SPAG16: variants seen among roughly 807,000 people sequenced by gnomAD.
The protein encoded by SPAG16 is sperm associated antigen 16, also known as sperm-associated antigen 16 protein.
Under a neutral mutation model 80.4 loss-of-function variants are expected in SPAG16, and 86 were observed. The ratio of observed to expected loss-of-function variants is 1.07; its 90% CI spans 0.90 to 1.28. The LOEUF (loss-of-function observed/expected upper bound fraction) is 1.28, where lower values mean the gene tolerates loss of function less well. SPAG16 is among the 50% of genes most tolerant of loss of function. The pLI is 0.00. For synonymous variants in SPAG16, 294 were observed against 265.9 expected (o/e 1.11, Z -1.03); for missense variants, 870 against 765.3 (o/e 1.14, Z -1.61).
chr2:213,992,006 C>T (rs1024079090), intron 12 of SPAG16, among the ~76,000 whole-genome samples: 2 of 151,978 alleles, frequency 1.3e-5, no homozygotes, highest in Non-Finnish European at 2.9e-5. Flanking sequence ...TTTTGTGTCA[C>T]ATCGGACTTC....
At chr2:213,746,289 A>G (rs2125471071) in intron 10 of SPAG16, among the ~76,000 whole-genome samples, 2 of 152,322 alleles carry the variant, frequency 1.3e-5, no homozygotes, top group South Asian at 4.1e-4. Context: ...ACTGACAGTA[A>G]TACTCTCTGA....
chr2:213,697,330 G>T (rs75363583), intron 10 of SPAG16, among the ~76,000 whole-genome samples: 5,441 of 152,210 alleles, frequency 0.036, 333 homozygotes, highest in African/African-American at 0.12. Context: ...GAGTATTAGA[G>T]AATGCCATTT....
chr2:214,400,916 A>T (rs1330309320), intron 15 of SPAG16, among the ~76,000 whole-genome samples: 1 of 152,044 alleles, frequency 6.6e-6, no homozygotes, highest in Non-Finnish European at 1.5e-5. Context: ...TATGTTTTAC[A>T]CTTTGACATC....
chr2:213,594,871 T>G (rs563561246), intron 10 of SPAG16, among the ~76,000 whole-genome samples: 1 of 152,312 alleles, frequency 6.6e-6, no homozygotes, highest in South Asian at 2.1e-4. Flanking sequence ...TACATTTTTT[T>G]GTGTGTCTGA....
intron 10 of SPAG16, among the ~76,000 whole-genome samples, chr2:213,643,601 C>A (rs920680333): frequency 1.3e-5 from 2 of 148,548 alleles, no homozygotes; most frequent in Non-Finnish European, 3.0e-5. Context: ...AACTTTCTAC[C>A]CCTATCTCTT....
At chr2:214,310,037 A>C (rs934027877) in intron 15 of SPAG16, among the ~76,000 whole-genome samples, 1 of 152,028 alleles carries the variant, frequency 6.6e-6, no homozygotes, top group Admixed American at 6.5e-5. Context: ...TCAAATTTTC[A>C]TTCTATTGAG....
At chr2:213,285,584 G>A (rs1468261264) in intron 1 of SPAG16, among the ~76,000 whole-genome samples, 1 of 152,194 alleles carries the variant, frequency 6.6e-6, no homozygotes, top group Non-Finnish European at 1.5e-5. Flanking sequence ...ATCCAGCAAT[G>A]ATTCATTTCG....
At chr2:213,565,026 T>C (rs966436573) in intron 10 of SPAG16, among the ~76,000 whole-genome samples, 1 of 152,216 alleles carries the variant, frequency 6.6e-6, no homozygotes, top group African/African-American at 2.4e-5. Context: ...TATTAAAATA[T>C]TTATTTTAAA....
intron 10 of SPAG16, among the ~76,000 whole-genome samples, chr2:213,813,482 C>T (rs2072308411): frequency 1.3e-5 from 2 of 152,246 alleles, no homozygotes; most frequent in African/African-American, 4.8e-5. Context: ...AGGCAAGATA[C>T]TCCACATGCT....
intron 10 of SPAG16, among the ~76,000 whole-genome samples, chr2:213,632,842 C>T (rs777647421): frequency 3.3e-4 from 51 of 152,242 alleles, no homozygotes; most frequent in Non-Finnish European, 7.2e-4. Flanking sequence ...GATGAATAAT[C>T]TTCTTAATGT....
intron 15 of SPAG16, among the ~76,000 whole-genome samples, chr2:214,250,376 A>G (rs1383406221): frequency 6.6e-6 from 1 of 151,692 alleles, no homozygotes; most frequent in Admixed American, 6.6e-5. Context: ...TTTTGGATAT[A>G]ATTTTATGTT....
intron 12 of SPAG16, among the ~76,000 whole-genome samples, chr2:213,988,050 C>A (rs191259736): frequency 2.6e-5 from 4 of 151,804 alleles, no homozygotes; most frequent in Admixed American, 1.3e-4. Flanking sequence ...GATTGAAAAT[C>A]TGGGGATCTG....
At chr2:213,481,108 C>T (rs1223690114) in intron 9 of SPAG16, among the ~76,000 whole-genome samples, 1 of 152,174 alleles carries the variant, frequency 6.6e-6, no homozygotes, top group Non-Finnish European at 1.5e-5. Context: ...GATACATCTT[C>T]AGGCAAATTT....
chr2:213,347,101 G>T (rs1214068233), intron 6 of SPAG16, among the ~76,000 whole-genome samples: 3 of 151,934 alleles, frequency 2.0e-5, no homozygotes, highest in African/African-American at 7.3e-5. Context: ...ACTTCTTCCT[G>T]GTTTAGTCTT....
intron 10 of SPAG16, among the ~76,000 whole-genome samples, chr2:213,714,586 A>G (rs1432940227): frequency 1.3e-5 from 2 of 152,218 alleles, no homozygotes; most frequent in Non-Finnish European, 2.9e-5. Flanking sequence ...CTTTAAAGTC[A>G]GCCAAATTTT....
At chr2:213,450,582 C>T (rs1043990169) in intron 9 of SPAG16, among the ~76,000 whole-genome samples, 1 of 152,082 alleles carries the variant, frequency 6.6e-6, no homozygotes, top group Non-Finnish European at 1.5e-5. Context: ...TTACTTTACA[C>T]TAATTGAATG....
At chr2:213,674,459 G>A (rs2063952734) in intron 10 of SPAG16, among the ~76,000 whole-genome samples, 1 of 150,834 alleles carries the variant, frequency 6.6e-6, no homozygotes, top group South Asian at 2.1e-4. Flanking sequence ...ATGTATACCT[G>A]TGACATGCTG....
intron 10 of SPAG16, among the ~76,000 whole-genome samples, chr2:213,674,846 C>T (rs903936773): frequency 3.3e-5 from 5 of 149,846 alleles, no homozygotes; most frequent in Admixed American, 1.3e-4. Flanking sequence ...GATAAACATA[C>T]GTGTGCATGT....
At chr2:214,126,195 G>C (rs564129297) in intron 14 of SPAG16, among the ~76,000 whole-genome samples, 1 of 150,888 alleles carries the variant, frequency 6.6e-6, no homozygotes, top group African/African-American at 2.4e-5. Flanking sequence ...GGAGAAGGGA[G>C]AAGGGAGAAG....
Sources: allele counts gnomAD v4.1 joint callset (sites outside exome capture counted in the v4.1 genomes callset), GRCh38; gene constraint gnomAD v4.1.1; transcripts MANE v1.5; gene names NCBI Gene and HGNC (gene_info 2026-07-23, HGNC 2026-07-21).